Variants in PDE4B observed in about 807,000 individuals in gnomAD.
The protein encoded by PDE4B is phosphodiesterase 4B.
Under a neutral mutation model 82.2 loss-of-function variants are expected in PDE4B, and 20 were observed. The ratio of observed to expected loss-of-function variants is 0.24; its 90% confidence interval spans 0.17 to 0.35. The LOEUF (loss-of-function observed/expected upper bound fraction) is 0.35. Among genes scored for constraint, PDE4B ranks in the 10% least tolerant of loss-of-function variants. The pLI, the probability that PDE4B is intolerant of heterozygous loss-of-function variation, is 1.00. For missense variants in PDE4B, 655 were observed against 907.2 expected, an observed-to-expected ratio of 0.72 and a Z score of 3.57; for synonymous variants, 320 against 318.9, an observed-to-expected ratio of 1.00 and a Z score of -0.04.
At chr1:65,962,803 T>C (rs931781404) in intron 3 of PDE4B, among the ~76,000 whole-genome samples, 1 of 152,130 alleles carries the variant, frequency 6.6e-6, no homozygotes, top group Non-Finnish European at 1.5e-5. Flanking sequence ...GATCTTTCTA[T>C]CCCAAAATTA....
intron 1 of PDE4B, among the ~76,000 whole-genome samples, chr1:65,889,199 G>C (rs1242852421): frequency 6.6e-6 from 1 of 151,924 alleles, no homozygotes; most frequent in Non-Finnish European, 1.5e-5. Context: ...CTAATGAGAT[G>C]GTTTTGATCC....
intron 7 of PDE4B, among the ~76,000 whole-genome samples, chr1:66,328,062 A>T (rs78951511): frequency 1.3e-5 from 2 of 152,218 alleles, no homozygotes; most frequent in Non-Finnish European, 2.9e-5. Flanking sequence ...GATGTTGCAA[A>T]GATTAACGAA....
At chr1:66,202,799 C>G (rs1427474387) in intron 3 of PDE4B, among the ~76,000 whole-genome samples, 1 of 152,070 alleles carries the variant, frequency 6.6e-6, no homozygotes, top group Non-Finnish European at 1.5e-5. Context: ...GACTCTTTAT[C>G]CAATTTGCCA....
At chr1:66,289,898 T>C (rs1024622457) in intron 7 of PDE4B, among the ~76,000 whole-genome samples, 2 of 151,936 alleles carry the variant, frequency 1.3e-5, no homozygotes, top group African/African-American at 4.8e-5. Flanking sequence ...GTGAAATAGA[T>C]AAGATGATGC....
chr1:66,057,521 C>T (rs1401699288), intron 3 of PDE4B, among the ~76,000 whole-genome samples: 1 of 152,110 alleles, frequency 6.6e-6, no homozygotes, highest in African/African-American at 2.4e-5. Flanking sequence ...TAAAGACATA[C>T]ATGAGACTGG....
chr1:66,103,805 C>G (rs1645276894), intron 3 of PDE4B, among the ~76,000 whole-genome samples: 1 of 152,054 alleles, frequency 6.6e-6, no homozygotes, highest in Non-Finnish European at 1.5e-5. Context: ...TTACAAAAAT[C>G]TTTTTATACT....
At chr1:65,938,652 G>A (rs1386354672) in intron 3 of PDE4B, among the ~76,000 whole-genome samples, 1 of 152,200 alleles carries the variant, frequency 6.6e-6, no homozygotes, top group East Asian at 1.9e-4. Context: ...TATGTAGCAT[G>A]TACAAGTTAT....
intron 3 of PDE4B, among the ~76,000 whole-genome samples, chr1:66,006,366 A>G (rs1234481322): frequency 6.6e-6 from 1 of 152,216 alleles, no homozygotes; most frequent in South Asian, 2.1e-4. Flanking sequence ...GCACCATGCC[A>G]TCAAGGAGCT....
intron 3 of PDE4B, among the ~76,000 whole-genome samples, chr1:66,052,285 A>G (rs942284906): frequency 6.6e-6 from 1 of 152,214 alleles, no homozygotes; most frequent in African/African-American, 2.4e-5. Context: ...GATTACCTGT[A>G]CTATCCTTTA....
intron 3 of PDE4B, among the ~76,000 whole-genome samples, chr1:66,177,036 A>G (rs1646943683): frequency 6.6e-6 from 1 of 152,230 alleles, no homozygotes; most frequent in Admixed American, 6.5e-5. Context: ...GGCTATGCAT[A>G]AAGCTGCATG....
intron 3 of PDE4B, among the ~76,000 whole-genome samples, chr1:66,149,045 T>C (rs1015339370): frequency 4.6e-5 from 7 of 152,350 alleles, no homozygotes; most frequent in Admixed American, 3.9e-4. Flanking sequence ...TTTTGAAGAA[T>C]TGCCAAATTT....
intron 3 of PDE4B, among the ~76,000 whole-genome samples, chr1:65,954,521 T>A (rs1649159762): frequency 6.6e-6 from 1 of 151,984 alleles, no homozygotes; most frequent in South Asian, 2.1e-4. Flanking sequence ...GATCTTATCA[T>A]GATCTCAGAA....
At chr1:65,851,658 T>G (rs1646334576) in intron 1 of PDE4B, among the ~76,000 whole-genome samples, 1 of 152,044 alleles carries the variant, frequency 6.6e-6, no homozygotes, top group South Asian at 2.1e-4. Context: ...GCTTAATTTT[T>G]AAAATATTGG....
At chr1:66,318,213 G>A (rs1479332467) in intron 7 of PDE4B, among the ~76,000 whole-genome samples, 1 of 152,162 alleles carries the variant, frequency 6.6e-6, no homozygotes, top group African/African-American at 2.4e-5. Context: ...TATATACTTA[G>A]TGTTGTAACT....
In PDE4B at chr1:66,305,844, A is replaced by G. The variant is rs151045074; in HGVS notation, c.635-26664A>G. ...ATCCTTCATCTATCACAAGCCAGTA[A>G]TAATAGTACTTTCCTGAATAAAAGG... On this transcript the variant is annotated intron_variant, in intron 7 of 16. Coordinates refer to ENST00000341517, the MANE Select transcript of PDE4B (RefSeq NM_002600.4). 1.2e-3 allele frequency among the ~76,000 whole-genome samples: 176 copies of G among 152,302 alleles called. 2 individuals carry two copies. Among genetic ancestry groups the G allele is most frequent in the African/African-American group, 3.9e-3 (164 of 41,582 alleles).
intron 3 of PDE4B, among the ~76,000 whole-genome samples, chr1:66,227,707 A>G (rs1651565233): frequency 6.6e-6 from 1 of 152,206 alleles, no homozygotes; most frequent in Admixed American, 6.5e-5. Flanking sequence ...ACTACCCCTG[A>G]CTTACCAACA....
At chr1:65,936,213 A>T (rs527792412) in intron 3 of PDE4B, among the ~76,000 whole-genome samples, 2 of 152,186 alleles carry the variant, frequency 1.3e-5, no homozygotes, top group South Asian at 4.1e-4. Context: ...ATCTCCTAGG[A>T]TAACAATGCC....
At chr1:65,803,189 AC>A (rs1645716666) in intron 1 of PDE4B, among the ~76,000 whole-genome samples, 1 of 152,182 alleles carries the variant, frequency 6.6e-6, no homozygotes, top group African/African-American at 2.4e-5. Context: ...TAGGCACTCT[AC>A]TTAGAAGCTG....
chr1:65,986,848 G>C (rs12749972), intron 3 of PDE4B, among the ~76,000 whole-genome samples: 157 of 152,282 alleles, frequency 1.0e-3, no homozygotes, highest in South Asian at 2.9e-3. Flanking sequence ...AATCAGAATA[G>C]GGGAGGTCGG....
Sources: gnomAD v4.1 joint callset for allele counts (sites outside exome capture counted in the v4.1 genomes callset) on GRCh38, gnomAD v4.1.1 for gene constraint, MANE v1.5 for transcripts, NCBI Gene and HGNC (gene_info 2026-07-23, HGNC 2026-07-21) for gene names.